The following EPC1 variants were observed in gnomAD, a reference collection of about 807,000 sequenced individuals.
EPC1 encodes the protein enhancer of polycomb 1, also known as enhancer of polycomb homolog 1.
A neutral mutation model predicts 98.4 loss-of-function variants in EPC1; 12 were observed. That is an observed-to-expected ratio of 0.12 (90% CI 0.08 to 0.20). The LOEUF is 0.20. Among genes scored for constraint, EPC1 ranks in the 10% least tolerant of loss-of-function variants. The probability of loss-of-function intolerance (pLI) is 1.00; values close to 1 mark genes in which losing one functional copy is unlikely to be tolerated. For synonymous variants in EPC1, 357 were observed against 363.9 expected (o/e 0.98, Z 0.21); for missense variants, 729 against 990.5 (o/e 0.74, Z 3.54).
rs761704964 is a variant in EPC1, at chr10:32,269,081, T to C, written c.2424A>G (p.Val808=). ...GAGGAAGCTACGTCACCTCCATCGC[T>C]ACTGTGTTGTCTGCTATGTTGTTCA... ...PALNNIADNT[V]AMEVT is the part of the protein sequence containing the mutation. The change falls in exon 14 of 14, where the codon GTA becomes GTG. Residue 808 remains valine, a synonymous_variant. Coordinates refer to ENST00000319778, the MANE Select transcript of EPC1 (RefSeq NM_001272004.3). 1 of 1,614,030 alleles carries C rather than the reference T, an allele frequency of 6.2e-7. No homozygotes were observed. The highest frequency in any genetic ancestry group is 1.7e-5 in the Admixed American group (1 of 60,006).
At chr10:32,298,312 A>G (rs1205927978) in intron 2 of EPC1, among the ~76,000 whole-genome samples, 3 of 152,226 alleles carry the variant, frequency 2.0e-5, no homozygotes, top group Admixed American at 2.0e-4. Context: ...GAGTATGTCC[A>G]TAACTTCAAA....
chr10:32,335,002 A>G (rs1387433633), intron 1 of EPC1, among the ~76,000 whole-genome samples: 1 of 152,184 alleles, frequency 6.6e-6, no homozygotes. Context: ...AAAATCCTTC[A>G]TTGTGAAGAT....
chr10:32,317,178 T>C (rs1286866194), intron 1 of EPC1, among the ~76,000 whole-genome samples: 1 of 152,156 alleles, frequency 6.6e-6, no homozygotes, highest in Non-Finnish European at 1.5e-5. Flanking sequence ...TCCTTGAAGG[T>C]AGGAGTGAGA....
At chr10:32,298,445 C>T (rs998192830) in intron 2 of EPC1, among the ~76,000 whole-genome samples, 1 of 152,144 alleles carries the variant, frequency 6.6e-6, no homozygotes, top group African/African-American at 2.4e-5. Context: ...AGGAACACTA[C>T]CCAAGGTTGA....
At chr10:32,275,586 G>A (rs1385997425) in intron 10 of EPC1, among the ~76,000 whole-genome samples, 2 of 145,806 alleles carry the variant, frequency 1.4e-5, no homozygotes, top group Admixed American at 7.0e-5. Flanking sequence ...CTAACACAGT[G>A]AAACCCCATC....
chr10:32,317,027 T>C (rs1836596318), intron 1 of EPC1, among the ~76,000 whole-genome samples: 6 of 152,256 alleles, frequency 3.9e-5, no homozygotes, highest in Admixed American at 3.9e-4. Flanking sequence ...GTTAAAACTT[T>C]TACTGAATGT....
intron 10 of EPC1, chr10:32,282,056 ATAAAG>A (rs1836438153): frequency 6.6e-6 from 1 of 152,070 alleles, no homozygotes; most frequent in South Asian, 2.1e-4. Context: ...AATATACTTT[ATAAAG>A]TATGCAGAGA....
At chr10:32,280,261 C>G (rs1836333648) in intron 10 of EPC1, among the ~76,000 whole-genome samples, 1 of 152,156 alleles carries the variant, frequency 6.6e-6, no homozygotes, top group Non-Finnish European at 1.5e-5. Flanking sequence ...TCAAGACCAG[C>G]TTGGCCAACA....
At chr10:32,301,310 T>C (rs1260421281) in intron 2 of EPC1, among the ~76,000 whole-genome samples, 7 of 152,190 alleles carry the variant, frequency 4.6e-5, no homozygotes, top group African/African-American at 7.2e-5. Flanking sequence ...GTGTCAAACA[T>C]TGTGTTCATG....
intron 1 of EPC1, among the ~76,000 whole-genome samples, chr10:32,335,740 T>C (rs1837919090): frequency 6.6e-6 from 1 of 152,192 alleles, no homozygotes; most frequent in Non-Finnish European, 1.5e-5. Context: ...TGGATAATGA[T>C]GAAATAGCAT....
intron 1 of EPC1, among the ~76,000 whole-genome samples, chr10:32,357,838 G>A (rs1412873736): frequency 6.6e-6 from 1 of 150,838 alleles, no homozygotes; most frequent in Non-Finnish European, 1.5e-5. Context: ...CTGTTTTGTG[G>A]CCTTCTCAAT....
At chr10:32,320,966 T>C (rs1414290802) in intron 1 of EPC1, among the ~76,000 whole-genome samples, 1 of 152,288 alleles carries the variant, frequency 6.6e-6, no homozygotes, top group Non-Finnish European at 1.5e-5. Flanking sequence ...TCCTCCACAA[T>C]ATATGTCATC....
intron 1 of EPC1, among the ~76,000 whole-genome samples, chr10:32,366,175 A>G (rs1481515154): frequency 1.3e-5 from 2 of 152,200 alleles, no homozygotes; most frequent in African/African-American, 4.8e-5. Context: ...TTAAATCTAC[A>G]TTACAAAACA....
chr10:32,375,719 C>T (rs1244736988), intron 1 of EPC1, among the ~76,000 whole-genome samples: 1 of 151,920 alleles, frequency 6.6e-6, no homozygotes, highest in Non-Finnish European at 1.5e-5. Context: ...TTGCTACTTG[C>T]TATTATCTGA....
At chr10:32,340,329 G>A (rs954595776) in intron 1 of EPC1, among the ~76,000 whole-genome samples, 1 of 152,158 alleles carries the variant, frequency 6.6e-6, no homozygotes, top group Admixed American at 6.5e-5. Flanking sequence ...GTTTGCTTTT[G>A]TTTTTCATAT....
chr10:32,292,675 A>C, intron 4 of EPC1, 31 bp from the exon 5 acceptor site: 2 of 1,588,692 alleles, frequency 1.3e-6, no homozygotes, highest in Non-Finnish European at 1.7e-6. Context: ...GTTTAATGTT[A>C]GTAAGTATTT....
chr10:32,373,066 A>T (rs1839796065), intron 1 of EPC1, among the ~76,000 whole-genome samples: 1 of 152,228 alleles, frequency 6.6e-6, no homozygotes, highest in South Asian at 2.1e-4. Context: ...CACCAATTTT[A>T]CAAATATCTC....
upstream of EPC1, among the ~76,000 whole-genome samples, chr10:32,348,609 C>T (rs1220655011): frequency 6.6e-6 from 1 of 152,240 alleles, no homozygotes; most frequent in African/African-American, 2.4e-5. Flanking sequence ...ATATTGGCAG[C>T]TCACTTAAGT....
At chr10:32,345,980 T>C (rs1254759934) in intron 1 of EPC1, among the ~76,000 whole-genome samples, 2 of 152,204 alleles carry the variant, frequency 1.3e-5, no homozygotes, top group Non-Finnish European at 2.9e-5. Context: ...ATCTGCAAGA[T>C]ATTCGCAAGG....
Sources: allele counts gnomAD v4.1 joint callset (sites outside exome capture counted in the v4.1 genomes callset), GRCh38; gene constraint gnomAD v4.1.1; transcripts MANE v1.5; gene names NCBI Gene and HGNC (gene_info 2026-07-23, HGNC 2026-07-21).